KDM5A: variants seen among roughly 807,000 people sequenced by gnomAD.
KDM5A encodes the protein lysine demethylase 5A.
KDM5A carries 42 observed loss-of-function variants against 193.5 expected under a neutral mutation model. The ratio of observed to expected loss-of-function variants is 0.22; its 90% CI spans 0.17 to 0.28. The LOEUF is 0.28. KDM5A is among the 10% of genes least tolerant of loss of function. KDM5A has a pLI of 1.00. For missense variants in KDM5A, 1,692 were observed against 2,055.1 expected (o/e 0.82, Z 3.42); for synonymous variants, 796 against 718.1 (o/e 1.11, Z -1.73).
rs60377454 is a variant in KDM5A, at chr12:323,210, CAAAAAAAAAAAAAAAAAAAAA to C, written c.2151-25_2151-5del. On this transcript the variant is annotated splice_polypyrimidine_tract_variant and splice_region_variant and intron_variant, in intron 15 of 27. Transcript: ENST00000399788. The stretch of plus-strand genomic sequence containing the variant: ...GTCTTCTAATGGGTAGCGATATCTA[CAAAAAAAAAAAAAAAAAAAAA>C]AAAAAAAAGAAAACAGAAATAAAAA... 12 of 297,144 alleles carry C rather than the reference CAAAAAAAAAAAAAAAAAAAAA, an allele frequency of 4.0e-5. No individual in the cohort carries two copies. The highest frequency in any genetic ancestry group is 2.1e-4 in the African/African-American group (3 of 14,490). 18.4% of individuals were successfully genotyped at this position (297,144 alleles called of 1,614,324 possible).
rs2137471450 is a variant in KDM5A at position 366,223 on chromosome 12, T to G, written c.367-119A>C. The G allele has an allele frequency of 1.3e-5, 11 of 821,994 alleles. No homozygotes were observed. In the South Asian group the frequency reaches 1.6e-4, roughly 12 times the overall value. The allele number at this position is 821,994 out of a possible 1,614,324, so 50.9% of individuals were successfully genotyped here. A position where few individuals can be genotyped will look rare whatever the true frequency, so the allele number is the denominator to read the frequency against. On this transcript the variant is annotated intron_variant, in intron 3 of 27. Coordinates refer to ENST00000399788, the MANE Select transcript of KDM5A (RefSeq NM_001042603.3). ...GCTTAAATTTCAAATTTCCTTTCAA[T>G]GAGTATCTAACCAAACTGACACTTG...
At chr12:297,662 C>T (rs763067364) in intron 24 of KDM5A, among the ~76,000 whole-genome samples, 1 of 152,132 alleles carries the variant, frequency 6.6e-6, no homozygotes, top group Non-Finnish European at 1.5e-5. Flanking sequence ...GACCCTGGAC[C>T]CTACCTGAAG....
chr12:302,886 C>T (rs1021716532), intron 24 of KDM5A, among the ~76,000 whole-genome samples: 4 of 152,178 alleles, frequency 2.6e-5, no homozygotes, highest in African/African-American at 9.7e-5. Flanking sequence ...CAAAAGAAGA[C>T]ATTTATGCAG....
chr12:356,708 A>T (rs1489128878), intron 5 of KDM5A, among the ~76,000 whole-genome samples, 171 bp from the exon 6 acceptor site: 1 of 152,174 alleles, frequency 6.6e-6, no homozygotes, highest in Non-Finnish European at 1.5e-5. Flanking sequence ...GGTCACCAAA[A>T]CACCATTCAA....
At chr12:350,074 G>A (rs949459247) in intron 10 of KDM5A, among the ~76,000 whole-genome samples, 3 of 151,622 alleles carry the variant, frequency 2.0e-5, no homozygotes, top group Admixed American at 6.6e-5. Context: ...GTTGCAGTGA[G>A]CCAAGATCGT....
rs1116462 is a variant in KDM5A, at chr12:365,544, G to A, written c.537+390C>T. ...ATGAACAAGAGAATTTTGGGGGCTA[G>A]TGGAAGTGCTCTAAAACTGGATCAC... On this transcript the variant is annotated intron_variant, in intron 4 of 27. Transcript: ENST00000399788. Among the ~76,000 whole-genome samples the A allele has an allele frequency of 2.8e-3, 433 of 152,316 alleles. 13 individuals carry two copies. The East Asian group carries it at 0.065, about 23-fold the overall frequency.
At chr12:336,211 T>G (rs981021336) in intron 10 of KDM5A, among the ~76,000 whole-genome samples, 2 of 151,192 alleles carry the variant, frequency 1.3e-5, no homozygotes, top group Admixed American at 6.6e-5. Flanking sequence ...ATACAAAAAT[T>G]AGTCAGGCGT....
At chr12:305,324 G>C (rs1013589285) in intron 24 of KDM5A, among the ~76,000 whole-genome samples, 4 of 152,136 alleles carry the variant, frequency 2.6e-5, no homozygotes, top group African/African-American at 4.8e-5. Flanking sequence ...AGTTTCAACT[G>C]TTTTCAAGTC....
intron 19 of KDM5A, among the ~76,000 whole-genome samples, chr12:316,007 AAAAG>A (rs1204864897): frequency 6.6e-6 from 1 of 152,364 alleles, no homozygotes; most frequent in East Asian, 1.9e-4. Flanking sequence ...ACAGAGTGAG[AAAAG>A]AAAGGCATCT....
At chr12:314,394 A>G (rs1198637904) in intron 19 of KDM5A, among the ~76,000 whole-genome samples, 1 of 151,960 alleles carries the variant, frequency 6.6e-6, no homozygotes, top group Non-Finnish European at 1.5e-5. Flanking sequence ...ACGGGGTTTC[A>G]CTGTGTTAGC....
rs1216029478 is a variant in KDM5A at position 354,207 on chromosome 12, C to A, written c.898G>T (p.Gly300Cys). ...FVDLYVCMFC[G>C]RGNNEDKLLL... Reference sequence around the variant, plus strand: ...AATTTATCTTCATTGTTTCCCCGACCACAAAACATACAAACATAGAGATCA... The same window carrying A: ...AATTTATCTTCATTGTTTCCCCGACAACAAAACATACAAACATAGAGATCA... The change falls in exon 8 of 28, where the codon GGT becomes TGT. Residue 300 changes from glycine (G) to cysteine (C), a missense_variant. Physicochemically the swap from Gly to Cys is radical, Grantham distance 159. Around this residue, in one of 11 missense-constraint regions of KDM5A, gnomAD observed 62 missense variants for 107.1 expected, o/e 0.58. Transcript: ENST00000399788. The A allele has an allele frequency of 6.2e-7, 1 of 1,609,580 alleles. No individual in the cohort carries two copies.
intron 3 of KDM5A, among the ~76,000 whole-genome samples, chr12:372,868 G>C (rs1163596524): frequency 1.3e-5 from 2 of 152,090 alleles, no homozygotes; most frequent in African/African-American, 4.8e-5. Context: ...TTTTGTCTTT[G>C]GTTCTGTTTA....
At position 389,099 on chromosome 12, in the gene KDM5A, G is replaced by C. The variant is rs1313289941; in HGVS notation, c.-8C>G. 3 of 1,421,946 alleles carry C rather than the reference G, an allele frequency of 2.1e-6. No homozygotes were observed. Among genetic ancestry groups the C allele is most frequent in the Non-Finnish European group, 1.8e-6 (2 of 1,083,122 alleles). 88.1% of individuals were successfully genotyped at this position (1,421,946 alleles called of 1,614,324 possible). A position where few individuals can be genotyped will look rare whatever the true frequency, so the allele number is the denominator to read the frequency against. ...CGGCCCCACGCCCGCCATTGCAACGGCCGGGGGGGGGGGGGGGTCCCCGTG... is the reference window on the plus strand; with the variant it reads ...CGGCCCCACGCCCGCCATTGCAACGCCCGGGGGGGGGGGGGGGTCCCCGTG... On this transcript the variant is annotated 5_prime_UTR_variant, in exon 1 of 28. Coordinates refer to ENST00000399788, the MANE Select transcript of KDM5A (RefSeq NM_001042603.3).
At chr12:365,495 G>C (rs963983630) in intron 4 of KDM5A, among the ~76,000 whole-genome samples, 44 of 152,188 alleles carry the variant, frequency 2.9e-4, no homozygotes, top group Non-Finnish European at 5.6e-4. Context: ...CTGTGTGTGG[G>C]GGTGGTACAG....
intron 5 of KDM5A, among the ~76,000 whole-genome samples, chr12:357,431 G>A (rs1448804570): frequency 6.6e-6 from 1 of 151,820 alleles, no homozygotes; most frequent in Non-Finnish European, 1.5e-5. Flanking sequence ...AAGCCCTGGA[G>A]TTCAAGGCTG....
At chr12:346,944 G>C (rs1021120847) in intron 10 of KDM5A, among the ~76,000 whole-genome samples, 1 of 152,072 alleles carries the variant, frequency 6.6e-6, no homozygotes, top group Admixed American at 6.6e-5. Context: ...AGAAATAAAG[G>C]GTATTCAATT....
chr12:334,261 A>AT lies in KDM5A; in HGVS notation c.1469dup (p.Tyr490Ter). 6.2e-7 allele frequency: 1 copy of AT among 1,614,160 alleles called. No homozygotes were observed. The highest frequency in any genetic ancestry group is 8.5e-7 in the Non-Finnish European group (1 of 1,180,004). The part of the protein sequence containing the change: ...FCWHIEDHWS[Y>*]SINYLHWGEP... The stretch of plus-strand genomic sequence containing the variant: ...CATACCAGTGCAAGTAGTTGATGGA[A>AT]TAACTCCAGTGATCCTCAATGTGCC... Residue 490 changes from tyrosine to a stop codon, truncating the protein, a stop_gained and frameshift_variant, in exon 11 of 28, where the codon TAT becomes TAAT. Transcript: ENST00000399788. LOFTEE classifies it high-confidence loss of function.
Position 285,511 on chromosome 12 carries a change from G to A in KDM5A, c.5018C>T (p.Pro1673Leu). 4 of 1,614,044 alleles carry A rather than the reference G, an allele frequency of 2.5e-6. No homozygotes were observed. The highest frequency in any genetic ancestry group is 2.2e-5 in the South Asian group (2 of 91,072). Reference protein sequence around the residue: ...GPVSPGPAPPPSFIMSYKLPM... With the variant: ...GPVSPGPAPPLSFIMSYKLPM... ...TAGTTTGTAGCTCATTATGAAGGAA[G>A]GAGGTGGTGCTGGACCTGGGCTAAC... Residue 1673 changes from proline (P) to leucine (L), a missense_variant, in exon 28 of 28, where the codon CCT becomes CTT. Pro to Leu is a moderately conservative substitution (Grantham distance 98). Transcript: ENST00000399788.
intron 24 of KDM5A, among the ~76,000 whole-genome samples, chr12:305,750 C>A (rs894393824): frequency 2.0e-5 from 3 of 152,142 alleles, no homozygotes; most frequent in Non-Finnish European, 4.4e-5. Context: ...CCAACTGGAT[C>A]CAACACAAAA....
Sources: gnomAD v4.1 joint callset for allele counts (sites outside exome capture counted in the v4.1 genomes callset) on GRCh38, gnomAD v4.1.1 for gene constraint, gnomAD v4.1.1 regional missense constraint, MANE v1.5 for transcripts, NCBI Gene and HGNC (gene_info 2026-07-23, HGNC 2026-07-21) for gene names.